RARB: variants seen among roughly 807,000 people sequenced by gnomAD.
RARB encodes the protein HBV-activated protein.
RARB carries 17 observed loss-of-function variants against 51.9 expected under a neutral mutation model. That is an observed-to-expected ratio of 0.33 (90% CI 0.22 to 0.49). RARB has a LOEUF of 0.49. RARB is among the 20% of genes least tolerant of loss of function. RARB has a pLI of 0.99. For synonymous variants in RARB, 215 were observed against 195.4 expected, an observed-to-expected ratio of 1.10 and a Z score of -0.84; for missense variants, 369 against 550.8, an observed-to-expected ratio of 0.67 and a Z score of 3.30.
intron 2 of RARB, among the ~76,000 whole-genome samples, chr3:24,964,814 C>T (rs968650629): frequency 1.2e-4 from 19 of 152,166 alleles, no homozygotes; most frequent in Admixed American, 3.9e-4. Context: ...GCGATGTCCC[C>T]GCTTTCTGTT....
chr3:25,217,381 A>G (rs1170792606), intron 5 of RARB, among the ~76,000 whole-genome samples: 2 of 152,162 alleles, frequency 1.3e-5, no homozygotes, highest in South Asian at 2.1e-4. Context: ...AATTGTTACA[A>G]TACCTCTTAG....
At chr3:25,224,133 A>G (rs1012838657) in intron 5 of RARB, among the ~76,000 whole-genome samples, 1 of 152,214 alleles carries the variant, frequency 6.6e-6, no homozygotes, top group Non-Finnish European at 1.5e-5. Flanking sequence ...AATGGCCTCA[A>G]TTCATACAAC....
At chr3:25,424,230 T>A (rs916069332), upstream of RARB, among the ~76,000 whole-genome samples, 5 of 152,228 alleles carry the variant, frequency 3.3e-5, no homozygotes, top group African/African-American at 1.2e-4. Context: ...AGAGCCACCT[T>A]GCAAGTTCAT....
chr3:25,504,009 A>C (rs1303630), intron 3 of RARB, among the ~76,000 whole-genome samples: 91,370 of 152,040 alleles, frequency 0.6, 30,277 homozygotes, highest in African/African-American at 0.9. Flanking sequence ...GCCTTCTCTG[A>C]AGTAGCGAGA....
intron 2 of RARB, among the ~76,000 whole-genome samples, chr3:25,464,139 G>T: frequency 6.6e-6 from 1 of 152,266 alleles, no homozygotes; most frequent in South Asian, 2.1e-4. Context: ...TCTGAAAAAT[G>T]TTAAGTCATC....
At chr3:25,466,054 G>T (rs1164229827) in intron 2 of RARB, among the ~76,000 whole-genome samples, 1 of 152,170 alleles carries the variant, frequency 6.6e-6, no homozygotes, top group Non-Finnish European at 1.5e-5. Context: ...AAAAATGGGG[G>T]TGATATTACC....
At chr3:25,514,160 G>C (rs1224770710) in intron 3 of RARB, among the ~76,000 whole-genome samples, 3 of 152,178 alleles carry the variant, frequency 2.0e-5, no homozygotes, top group Admixed American at 6.5e-5. Flanking sequence ...ATTCTCAGGA[G>C]AGTGGCTACC....
intron 5 of RARB, among the ~76,000 whole-genome samples, chr3:25,330,203 C>T (rs971374749): frequency 6.6e-6 from 1 of 151,892 alleles, no homozygotes; most frequent in Admixed American, 6.6e-5. Context: ...AACCCCAAGA[C>T]ACATAATTGT....
intron 5 of RARB, among the ~76,000 whole-genome samples, chr3:25,363,391 C>T (rs78167429): frequency 4.7e-4 from 71 of 152,252 alleles, no homozygotes; most frequent in East Asian, 3.9e-3. Flanking sequence ...AGATATCTAA[C>T]GTAGCATGTC....
chr3:25,441,013 G>T (rs1233630195), intron 1 of RARB, among the ~76,000 whole-genome samples: 2 of 136,942 alleles, frequency 1.5e-5, no homozygotes, highest in African/African-American at 2.8e-5. Context: ...CATATACCTA[G>T]GTACCTTTTG....
Position 25,256,432 on chromosome 3 carries a change from A to T in RARB, c.178+81857A>T, listed in dbSNP as rs140124492. ...ACATAATGTCCTAGAATGCAAGAGA[A>T]GCAATAAGGGAAACATATATAAGCA... On this transcript the variant is annotated intron_variant, in intron 5 of 11. Coordinates refer to the RARB transcript ENST00000383772. Among the ~76,000 whole-genome samples, 9 of 152,294 alleles carry T rather than the reference A, an allele frequency of 5.9e-5. No individual in the cohort carries two copies. The East Asian group carries it at 1.5e-3, about 26-fold the overall frequency.
chr3:24,981,316 G>C (rs1034338418), intron 2 of RARB, among the ~76,000 whole-genome samples: 1 of 152,150 alleles, frequency 6.6e-6, no homozygotes, highest in Non-Finnish European at 1.5e-5. Flanking sequence ...TGTCAGGCAG[G>C]GGGGCTTAAG....
At chr3:24,976,975 A>C (rs1208255363) in intron 2 of RARB, among the ~76,000 whole-genome samples, 1 of 152,204 alleles carries the variant, frequency 6.6e-6, no homozygotes, top group Non-Finnish European at 1.5e-5. Flanking sequence ...AGTTTTCTGC[A>C]TATGGTTAGC....
intron 1 of RARB, among the ~76,000 whole-genome samples, chr3:25,446,743 C>T (rs1233076955): frequency 1.6e-5 from 2 of 127,510 alleles, no homozygotes; most frequent in Non-Finnish European, 3.1e-5. Context: ...GCGGAGCTGG[C>T]AGTGAGCCGA....
At chr3:24,842,915 C>T (rs1702437024) in intron 1 of RARB, among the ~76,000 whole-genome samples, 1 of 152,220 alleles carries the variant, frequency 6.6e-6, no homozygotes, top group Non-Finnish European at 1.5e-5. Flanking sequence ...CGGGCTGAGC[C>T]CATGGCTCCT....
At chr3:25,474,991 A>G (rs1401241995) in intron 2 of RARB, among the ~76,000 whole-genome samples, 1 of 152,150 alleles carries the variant, frequency 6.6e-6, no homozygotes, top group African/African-American at 2.4e-5. Context: ...GATCTGTGCA[A>G]AATTATGAAT....
At chr3:25,488,800 A>G (rs1197015733) in intron 2 of RARB, among the ~76,000 whole-genome samples, 3 of 152,252 alleles carry the variant, frequency 2.0e-5, no homozygotes, top group Non-Finnish European at 4.4e-5. Flanking sequence ...GAGTTTAAAA[A>G]TAAGGGCTCT....
chr3:24,894,105 G>T (rs1703436198), intron 2 of RARB, among the ~76,000 whole-genome samples: 1 of 152,032 alleles, frequency 6.6e-6, no homozygotes, highest in Non-Finnish European at 1.5e-5. Context: ...TGTGTGAATT[G>T]TTTTATTTTT....
intron 5 of RARB, among the ~76,000 whole-genome samples, chr3:25,253,306 T>G (rs1464684937): frequency 6.6e-6 from 1 of 152,188 alleles, no homozygotes; most frequent in Non-Finnish European, 1.5e-5. Flanking sequence ...TTTGCCTATC[T>G]TAAAAGAATA....
Sources: allele counts gnomAD v4.1 joint callset (sites outside exome capture counted in the v4.1 genomes callset), GRCh38; gene constraint gnomAD v4.1.1; transcripts MANE v1.5; gene names NCBI Gene and HGNC (gene_info 2026-07-23, HGNC 2026-07-21).